The following ASNS variants were observed in gnomAD, a reference collection of about 807,000 sequenced individuals.
ASNS encodes asparagine synthetase [glutamine-hydrolyzing].
Under a neutral mutation model 62.6 loss-of-function variants are expected in ASNS, and 37 were observed. The ratio of observed to expected loss-of-function variants is 0.59; its 90% CI spans 0.45 to 0.78. The LOEUF (loss-of-function observed/expected upper bound fraction) is 0.78, where lower values mean the gene tolerates loss of function less well. Ranked by LOEUF, ASNS falls within the 30% of genes least tolerant of loss-of-function variation. The pLI is 0.00. For missense variants in ASNS, 520 were observed against 682.4 expected (o/e 0.76, Z 2.65); for synonymous variants, 207 against 237.9 (o/e 0.87, Z 1.19).
chr7:97,867,750 G>A (rs985021149), intron 3 of ASNS, among the ~76,000 whole-genome samples: 1 of 152,090 alleles, frequency 6.6e-6, no homozygotes, highest in African/African-American at 2.4e-5. Context: ...CTGGTGCATA[G>A]TAGACCCTTA....
upstream of ASNS, among the ~76,000 whole-genome samples, chr7:97,877,220 G>A (rs1470949025): frequency 6.6e-6 from 1 of 151,388 alleles, no homozygotes; most frequent in Non-Finnish European, 1.5e-5. Context: ...TCAGCCTCCT[G>A]AGTAGCTGGG....
chr7:97,893,826 T>C, the ASNS span, among the ~76,000 whole-genome samples: 4 of 152,172 alleles, frequency 2.6e-5, no homozygotes, highest in African/African-American at 4.8e-5. Flanking sequence ...CATCTAGACA[T>C]AAAATCAACA....
the ASNS span, among the ~76,000 whole-genome samples, chr7:97,919,139 A>G: frequency 2.7e-4 from 41 of 150,488 alleles, no homozygotes; most frequent in African/African-American, 8.7e-4. Context: ...ATCTCGGCTC[A>G]CTGCAACCTC....
At chr7:97,923,439 G>T in the ASNS span, among the ~76,000 whole-genome samples, 2 of 152,142 alleles carry the variant, frequency 1.3e-5, no homozygotes, top group Admixed American at 1.3e-4. Flanking sequence ...AAGTTAGTCA[G>T]GCATGGTGGC....
intron 10 of ASNS, 59 bp from the exon 11 acceptor site, chr7:97,853,445 AG>A (rs1791284770): frequency 7.1e-7 from 1 of 1,416,950 alleles, no homozygotes. Context: ...CTGCCAGGTT[AG>A]GTTCTGATTC....
chr7:97,886,609 T>C, the ASNS span, among the ~76,000 whole-genome samples: 1 of 151,718 alleles, frequency 6.6e-6, no homozygotes, highest in South Asian at 2.1e-4. Context: ...TTCATTTGTA[T>C]AGGGAAATGT....
chr7:97,890,747 T>TA, the ASNS span, among the ~76,000 whole-genome samples: 41 of 147,912 alleles, frequency 2.8e-4, no homozygotes, highest in African/African-American at 6.5e-4. Context: ...ACTCCATTGC[T>TA]AAAAAAAAAA....
the ASNS span, among the ~76,000 whole-genome samples, chr7:97,891,885 G>C: frequency 6.6e-6 from 1 of 152,198 alleles, no homozygotes; most frequent in Non-Finnish European, 1.5e-5. Flanking sequence ...CAAGCTGTCA[G>C]TGAATCCACC....
the ASNS span, among the ~76,000 whole-genome samples, chr7:97,880,213 C>T: frequency 6.7e-6 from 1 of 148,786 alleles, no homozygotes; most frequent in African/African-American, 2.5e-5. Context: ...CAGTCTCTGC[C>T]TCCTGGGCTC....
the ASNS span, among the ~76,000 whole-genome samples, chr7:97,907,925 G>T: frequency 1.3e-5 from 2 of 152,000 alleles, no homozygotes; most frequent in Non-Finnish European, 2.9e-5. Context: ...AAAGAATACA[G>T]TATTTTTGAG....
At chr7:97,865,865 G>A (rs10281896) in intron 3 of ASNS, among the ~76,000 whole-genome samples, 369 of 152,240 alleles carry the variant, frequency 2.4e-3, no homozygotes, top group African/African-American at 8.2e-3. Context: ...GGGGAAATCC[G>A]GGCATGTGTA....
intron 4 of ASNS, 142 bp from the exon 5 acceptor site, chr7:97,859,540 A>AT (rs1791620006): frequency 3.4e-6 from 3 of 875,428 alleles, no homozygotes; most frequent in Non-Finnish European, 4.7e-6. Context: ...AGGAAAAAAA[A>AT]TTTTCTATTT....
the ASNS span, among the ~76,000 whole-genome samples, chr7:97,888,065 C>T: frequency 3.3e-5 from 5 of 152,336 alleles, no homozygotes; most frequent in African/African-American, 1.2e-4. Flanking sequence ...ACCTCAAAAT[C>T]CTGGGCTCAA....
At chr7:97,888,573 C>T in the ASNS span, among the ~76,000 whole-genome samples, 1 of 152,124 alleles carries the variant, frequency 6.6e-6, no homozygotes, top group African/African-American at 2.4e-5. Context: ...AAAATATTAC[C>T]GTTTGCATCT....
At chr7:97,912,977 A>G in the ASNS span, 1 of 151,984 alleles carries the variant, frequency 6.6e-6, no homozygotes, top group East Asian at 1.9e-4. Context: ...TTTGCATTCA[A>G]ATAGCAGAAT....
intron 3 of ASNS, 103 bp downstream of exon 3, chr7:97,868,799 ATAGAGT>A (rs1399885200): frequency 5.4e-6 from 8 of 1,478,062 alleles, no homozygotes; most frequent in Non-Finnish European, 5.5e-6. Context: ...GATAACGAAC[ATAGAGT>A]GCTTTGCAAA....
chr7:97,912,852 G>T, the ASNS span, among the ~76,000 whole-genome samples: 1 of 151,656 alleles, frequency 6.6e-6, no homozygotes, highest in East Asian at 1.9e-4. Flanking sequence ...AAAGTGCTAG[G>T]ACTACAGGCA....
rs771634383 is a variant in ASNS at position 97,859,431 on chromosome 7, T to C, written c.488-33A>G. 3.9e-6 allele frequency: 6 copies of C among 1,538,048 alleles called. No homozygotes were observed. The South Asian group carries it at 6.3e-5, about 16-fold the overall frequency. On this transcript the variant is annotated intron_variant, in intron 4 of 12. Coordinates refer to ENST00000394308, the MANE Select transcript of ASNS (RefSeq NM_001673.5). Reference sequence around the variant, plus strand: ...TTCACAATGATACCTTTATTCAAATTAGGTAACCCTTCCCAATAACTTTCA... The same window carrying C: ...TTCACAATGATACCTTTATTCAAATCAGGTAACCCTTCCCAATAACTTTCA...
intron 7 of ASNS, 147 bp downstream of exon 7, chr7:97,858,131 A>T (rs1791543358): frequency 1.8e-6 from 2 of 1,099,022 alleles, no homozygotes; most frequent in Non-Finnish European, 1.3e-6. Context: ...TCCAACAGCC[A>T]TTTCATTCTA....
Sources: gnomAD v4.1 joint callset for allele counts (sites outside exome capture counted in the v4.1 genomes callset) on GRCh38, gnomAD v4.1.1 for gene constraint, MANE v1.5 for transcripts, NCBI Gene and HGNC (gene_info 2026-07-23, HGNC 2026-07-21) for gene names.